Variants in PRR11 observed in about 807,000 individuals in gnomAD.
PRR11 encodes proline rich 11.
A neutral mutation model predicts 45.6 loss-of-function variants in PRR11; 30 were observed. The ratio of observed to expected loss-of-function variants is 0.66; its 90% CI spans 0.49 to 0.89. The LOEUF (loss-of-function observed/expected upper bound fraction) is 0.89. Among genes scored for constraint, PRR11 ranks in the 40% least tolerant of loss-of-function variants. PRR11 has a pLI of 0.00. For missense variants in PRR11, 373 were observed against 424.8 expected (o/e 0.88, Z 1.07); for synonymous variants, 128 against 153.5 (o/e 0.83, Z 1.23).
intron 1 of PRR11, among the ~76,000 whole-genome samples, chr17:59,166,773 CTTTA>C (rs1568318140): frequency 6.6e-6 from 1 of 152,126 alleles, no homozygotes; most frequent in African/African-American, 2.4e-5. Context: ...AAAAAATTCA[CTTTA>C]TTTAGACAGA....
intron 1 of PRR11, among the ~76,000 whole-genome samples, chr17:59,157,514 C>T (rs143216438): frequency 0.023 from 3,489 of 152,150 alleles, 135 homozygotes; most frequent in African/African-American, 0.08. Context: ...CCAGCCTGGC[C>T]AACATGGCAA....
chr17:59,159,545 G>C (rs2046641764), intron 1 of PRR11, among the ~76,000 whole-genome samples: 1 of 152,148 alleles, frequency 6.6e-6, no homozygotes, highest in Non-Finnish European at 1.5e-5. Context: ...CCACGATGCT[G>C]CCAAACCATT....
Position 59,205,445 on chromosome 17 carries a change from T to TAA in PRR11, c.*3815_*3816dup, listed in dbSNP as rs1371056823. Among the ~76,000 whole-genome samples the TAA allele has an allele frequency of 1.6e-3, 245 of 151,662 alleles. 2 individuals carry two copies. Among genetic ancestry groups the TAA allele is most frequent in the African/African-American group, 5.3e-3 (221 of 41,376 alleles). On this transcript the variant is annotated 3_prime_UTR_variant, in exon 10 of 10. Transcript: ENST00000262293. Reference sequence around the variant, plus strand: ...GGCCGGGTGCGGTGGCTCATGCCTATAATCCCAGCACTTTGGGAGGCCGAG... The same window carrying TAA: ...GGCCGGGTGCGGTGGCTCATGCCTATAAAATCCCAGCACTTTGGGAGGCCGAG...
At position 59,169,798 on chromosome 17, in the gene PRR11, G is replaced by A. The variant is rs759204588; in HGVS notation, c.46G>A (p.Glu16Lys). Residue 16 changes from glutamate to lysine, a missense_variant, in exon 2 of 10, where the codon GAA (glutamate) becomes AAA (lysine). By Grantham distance (56) the Glu-to-Lys change is moderately conservative. Transcript: ENST00000262293. ...QRRRKLKAKA[E>K]RLFKKKEASH... The stretch of plus-strand genomic sequence containing the variant: ...AAGACGAAAGCTAAAAGCCAAAGCC[G>A]AAAGATTATTCAAAAAAAAAGAAGC... 2.2e-5 allele frequency: 36 copies of A among 1,610,318 alleles called. No individual in the cohort carries two copies. The highest frequency in any genetic ancestry group is 8.0e-5 in the African/African-American group (6 of 74,568).
At chr17:59,185,366 C>T (rs895953558) in intron 3 of PRR11, 74 bp from the exon 4 acceptor site, 1 of 1,543,272 alleles carries the variant, frequency 6.5e-7, no homozygotes, top group African/African-American at 1.4e-5. Flanking sequence ...TACATCAAGT[C>T]ACTTTCTGGT....
intron 7 of PRR11, among the ~76,000 whole-genome samples, 159 bp downstream of exon 7, chr17:59,195,602 TA>T (rs2046862190): frequency 6.6e-6 from 1 of 152,132 alleles, no homozygotes; most frequent in African/African-American, 2.4e-5. Flanking sequence ...CAGAAAAGTT[TA>T]AAAAAGAAAA....
At chr17:59,170,924 A>G (rs2046704529) in intron 2 of PRR11, among the ~76,000 whole-genome samples, 1 of 152,160 alleles carries the variant, frequency 6.6e-6, no homozygotes. Flanking sequence ...TTCTCTTGAA[A>G]ACACACAGCT....
rs545429429 is a variant in PRR11, at chr17:59,200,152, G to T, written c.1015-1411G>T. Among the ~76,000 whole-genome samples the T allele has an allele frequency of 3.4e-4, 52 of 152,314 alleles. 1 individual carries two copies. The South Asian group carries it at 8.9e-3, about 26-fold the overall frequency. On this transcript the variant is annotated intron_variant, in intron 9 of 9. Coordinates refer to ENST00000262293, the MANE Select transcript of PRR11 (RefSeq NM_018304.4). ...TGTTGTGCTGCCAAAATCTACTCAG[G>T]AGGAGGATGTCTAGTTAAAATTGTT...
At position 59,185,129 on chromosome 17, in the gene PRR11, C is replaced by T. The variant is rs901102312; in HGVS notation, c.204C>T (p.Asn68=). The part of the protein sequence containing the change: ...LTSSWNFNFP[N]IRDAIKLWTN... ...CATCCTGGAACTTCAATTTTCCTAA[C>T]ATCAGAGATGCAATAAAACTTTGGA... The change falls in exon 3 of 10, where the codon AAC becomes AAT. Residue 68 remains asparagine (N), a synonymous_variant. Transcript: ENST00000262293. 3 of 1,607,748 alleles carry T rather than the reference C, an allele frequency of 1.9e-6. No homozygotes were observed.
intron 5 of PRR11, 66 bp downstream of exon 5, chr17:59,193,800 G>A: frequency 2.0e-6 from 3 of 1,535,044 alleles, no homozygotes; most frequent in Non-Finnish European, 2.7e-6. Flanking sequence ...TAGGAGTAAA[G>A]CCAAGTGGCC....
intron 2 of PRR11, among the ~76,000 whole-genome samples, chr17:59,183,805 C>T (rs1331585608): frequency 1.3e-5 from 2 of 152,064 alleles, no homozygotes; most frequent in Non-Finnish European, 2.9e-5. Flanking sequence ...AAGACTAAGT[C>T]GAAAAATCTC....
At chr17:59,164,975 A>G (rs1303394865) in intron 1 of PRR11, among the ~76,000 whole-genome samples, 1 of 151,610 alleles carries the variant, frequency 6.6e-6, no homozygotes, top group African/African-American at 2.4e-5. Flanking sequence ...GCTCTCCTAA[A>G]TATCTTCATC....
At chr17:59,173,391 A>G (rs1280783530) in intron 2 of PRR11, among the ~76,000 whole-genome samples, 1 of 152,220 alleles carries the variant, frequency 6.6e-6, no homozygotes, top group African/African-American at 2.4e-5. Context: ...GCACTTTGCA[A>G]TGAATCTTGC....
intron 9 of PRR11, among the ~76,000 whole-genome samples, chr17:59,200,532 G>A (rs536935998): frequency 4.6e-5 from 7 of 151,410 alleles, no homozygotes; most frequent in South Asian, 2.1e-4. Flanking sequence ...TCGCTCTGTC[G>A]CCCAGGCTGG....
intron 2 of PRR11, chr17:59,177,332 G>A: frequency 3.7e-6 from 2 of 539,698 alleles, no homozygotes; most frequent in South Asian, 2.8e-5. Context: ...TGGAATGGGG[G>A]TCTAGGGAGG....
intron 4 of PRR11, among the ~76,000 whole-genome samples, chr17:59,190,890 G>A (rs2147852698): frequency 6.6e-6 from 1 of 152,336 alleles, no homozygotes; most frequent in South Asian, 2.1e-4. Context: ...GGGAATGAAG[G>A]GAAACCCAGG....
At chr17:59,170,526 AAAAC>A (rs550826286) in intron 2 of PRR11, among the ~76,000 whole-genome samples, 148 of 152,124 alleles carry the variant, frequency 9.7e-4, no homozygotes, top group Non-Finnish European at 1.8e-3. Context: ...CTCTGTCTCC[AAAAC>A]AAACAAACAA....
intron 9 of PRR11, among the ~76,000 whole-genome samples, chr17:59,198,175 A>AT (rs1258275349): frequency 1.3e-5 from 2 of 152,162 alleles, no homozygotes; most frequent in Non-Finnish European, 2.9e-5. Context: ...TAGTAACAAT[A>AT]ATTTTTAAAT....
At chr17:59,172,449 G>A (rs1283267017) in intron 2 of PRR11, among the ~76,000 whole-genome samples, 1 of 152,208 alleles carries the variant, frequency 6.6e-6, no homozygotes, top group Non-Finnish European at 1.5e-5. Flanking sequence ...TCAGCCCGCC[G>A]CTGCACTGTG....
Sources: gnomAD v4.1 joint callset for allele counts (sites outside exome capture counted in the v4.1 genomes callset) on GRCh38, gnomAD v4.1.1 for gene constraint, MANE v1.5 for transcripts, NCBI Gene and HGNC (gene_info 2026-07-23, HGNC 2026-07-21) for gene names.